SOWAHC: variants seen among roughly 807,000 people sequenced by gnomAD.
SOWAHC encodes sosondowah ankyrin repeat domain family member C, also known as ankyrin repeat domain-containing protein SOWAHC.
Under a neutral mutation model 14.4 loss-of-function variants are expected in SOWAHC, and 12 were observed. That is an observed-to-expected ratio of 0.83 (90% confidence interval 0.53 to 1.35). SOWAHC has a LOEUF of 1.35. Ranked by LOEUF, SOWAHC falls within the 40% of genes most tolerant of loss-of-function variation. The pLI, the probability that SOWAHC is intolerant of heterozygous loss-of-function variation, is 0.00. For synonymous variants in SOWAHC, 398 were observed against 347.0 expected (o/e 1.15, Z -1.63); for missense variants, 771 against 752.8 (o/e 1.02, Z -0.28).
In SOWAHC at chr2:109,614,830, C is replaced by G. The variant is rs949640218; in HGVS notation, c.341C>G (p.Ala114Gly). ...CCCGACGGCCCTGCCGGGCCCGAGG[C>G]GCGCGATCGGCTCCCCGACGCGGCG... is the stretch of plus-strand genomic sequence containing the variant. Reference protein sequence around the residue: ...EAPDGPAGPEARDRLPDAAAP... With the variant: ...EAPDGPAGPEGRDRLPDAAAP... The change falls in exon 1 of 1, where the codon GCG (alanine) becomes GGG (glycine). Residue 114 changes from alanine (A) to glycine (G), a missense_variant. Ala to Gly is a moderately conservative substitution (Grantham distance 60). Transcript: ENST00000356454. 348 of 1,427,910 alleles carry G rather than the reference C, an allele frequency of 2.4e-4. No homozygotes were observed. The highest frequency in any genetic ancestry group is 3.0e-4 in the Non-Finnish European group (330 of 1,098,898). 88.5% of individuals were successfully genotyped at this position (1,427,910 alleles called of 1,614,324 possible).
Position 109,614,489 on chromosome 2 carries a change from G to A in SOWAHC, c.-1G>A. On this transcript the variant is annotated 5_prime_UTR_variant, in exon 1 of 1. Transcript: ENST00000356454. ...CTGGCGGGGGAGCAGCGCGGTCGAG[G>A]ATGGAGGGGCCGGCAGAGTGGGGCC... 6.5e-6 allele frequency: 8 copies of A among 1,239,312 alleles called. No homozygotes were observed. Among genetic ancestry groups the A allele is most frequent in the Non-Finnish European group, 8.0e-6 (8 of 994,420 alleles). The allele number at this position is 1,239,312 out of a possible 1,614,324, so 76.8% of individuals were successfully genotyped here. A position where few individuals can be genotyped will look rare whatever the true frequency, so the allele number is the denominator to read the frequency against.
rs1173117113 is a variant in SOWAHC at position 109,615,184 on chromosome 2, G to T, written c.695G>T (p.Gly232Val). ...GGCAGCAGCCCGGGCAGCTCCTCCG[G>T]GGGAGGACGCGGCAGAGGCGGGGGC... ...PGGSSPGSSS[G>V]GGRGRGGGDS... Residue 232 changes from glycine (G) to valine (V), a missense_variant, in exon 1 of 1, where the codon GGG becomes GTG. Gly to Val is a moderately radical substitution (Grantham distance 109). Transcript: ENST00000356454. 1.9e-6 allele frequency: 3 copies of T among 1,548,822 alleles called. No individual in the cohort carries two copies. Among genetic ancestry groups the T allele is most frequent in the Non-Finnish European group, 1.7e-6 (2 of 1,146,692 alleles).
At position 109,614,823 on chromosome 2, in the gene SOWAHC, C is replaced by T; in HGVS notation, c.334C>T (p.Pro112Ser). 1 of 1,437,716 alleles carries T rather than the reference C, an allele frequency of 7.0e-7. No individual in the cohort carries two copies. Among genetic ancestry groups the T allele is most frequent in the Non-Finnish European group, 9.1e-7 (1 of 1,103,290 alleles). The allele number at this position is 1,437,716 out of a possible 1,614,324, so 89.1% of individuals were successfully genotyped here. A position where few individuals can be genotyped will look rare whatever the true frequency, so the allele number is the denominator to read the frequency against. The change falls in exon 1 of 1, where the codon CCC becomes TCC. Residue 112 changes from proline to serine, a missense_variant. Physicochemically the swap from Pro to Ser is moderately conservative, Grantham distance 74. Coordinates refer to ENST00000356454, the MANE Select transcript of SOWAHC (RefSeq NM_023016.4). ...CGAGGCCCCCGACGGCCCTGCCGGG[C>T]CCGAGGCGCGCGATCGGCTCCCCGA... is the stretch of plus-strand genomic sequence containing the variant. ...EPEAPDGPAG[P>S]EARDRLPDAA...
rs4953849 is a variant in SOWAHC, at chr2:109,616,342, G to A, written c.*275G>A. On this transcript the variant is annotated 3_prime_UTR_variant, in exon 1 of 1. Coordinates refer to ENST00000356454, the MANE Select transcript of SOWAHC (RefSeq NM_023016.4). ...GAGACTAGAAATGTATCTAAATTGG[G>A]GGAACAGAATGAATGAATTAATGAA... 43,191 of 280,518 alleles carry A rather than the reference G, an allele frequency of 0.15. 3,861 individuals are homozygous for A. The highest frequency in any genetic ancestry group is 0.27 in the African/African-American group (12,140 of 45,078). 17.4% of individuals were successfully genotyped at this position (280,518 alleles called of 1,614,324 possible). A position where few individuals can be genotyped will look rare whatever the true frequency, so the allele number is the denominator to read the frequency against.
At position 109,618,256 on chromosome 2, in the gene SOWAHC, A is replaced by G. The variant is rs1700174739; in HGVS notation, c.*2189A>G. The G allele has an allele frequency of 1.2e-5, 2 of 166,580 alleles. No homozygotes were observed. The highest frequency in any genetic ancestry group is 2.9e-5 in the Non-Finnish European group (2 of 68,124). The allele number at this position is 166,580 out of a possible 1,614,324, so 10.3% of individuals were successfully genotyped here. A position where few individuals can be genotyped will look rare whatever the true frequency, so the allele number is the denominator to read the frequency against. ...TGTATCTAGTGCAGAATAAGCTATA[A>G]CATCCCATTGAGGAATCTTAAATTT... On this transcript the variant is annotated 3_prime_UTR_variant, in exon 1 of 1. Transcript: ENST00000356454.
At position 109,614,397 on chromosome 2, in the gene SOWAHC, A is replaced by C; in HGVS notation, c.-93A>C. 1 of 987,824 alleles carries C rather than the reference A, an allele frequency of 1.0e-6. No individual in the cohort carries two copies. The highest frequency in any genetic ancestry group is 1.3e-6 in the Non-Finnish European group (1 of 775,920). 61.2% of individuals were successfully genotyped at this position (987,824 alleles called of 1,614,324 possible). A position where few individuals can be genotyped will look rare whatever the true frequency, so the allele number is the denominator to read the frequency against. On this transcript the variant is annotated 5_prime_UTR_variant, in exon 1 of 1. Transcript: ENST00000356454. ...AGGCTGGCAGCCCGCTGAGCCCGCC[A>C]GACTCCGCCGCCGTCGGGAGCCGGC...
At position 109,615,970 on chromosome 2, in the gene SOWAHC, C is replaced by A. The variant is rs142589827; in HGVS notation, c.1481C>A (p.Pro494Gln). 6.4e-7 allele frequency: 1 copy of A among 1,573,776 alleles called. No homozygotes were observed. The highest frequency in any genetic ancestry group is 1.4e-5 in the African/African-American group (1 of 73,622). The change falls in exon 1 of 1, where the codon CCG (proline) becomes CAG (glutamine). Residue 494 changes from proline to glutamine, a missense_variant. Pro to Gln is a moderately conservative substitution (Grantham distance 76, BLOSUM62 -1). Coordinates refer to ENST00000356454, the MANE Select transcript of SOWAHC (RefSeq NM_023016.4). ...CCCTCTTTCAGGGACCCAGAGCAGC[C>A]GCTGGAGGGCAGGGGGGAGGAGGGA... ...TTPSFRDPEQPLEGRGEEGVG... is the reference protein window; with the variant it reads ...TTPSFRDPEQQLEGRGEEGVG...
rs1558939265 is a variant in SOWAHC, at chr2:109,615,075, A to G, written c.586A>G (p.Thr196Ala). The G allele has an allele frequency of 6.5e-7, 1 of 1,549,358 alleles. No individual in the cohort carries two copies. Among genetic ancestry groups the G allele is most frequent in the Non-Finnish European group, 8.7e-7 (1 of 1,146,756 alleles). The change falls in exon 1 of 1, where the codon ACC becomes GCC. Residue 196 changes from threonine to alanine, a missense_variant. Thr to Ala is a moderately conservative substitution (Grantham distance 58). Transcript: ENST00000356454. ...CAGGGGCAGCTCCCTTGTGGGGGCT[A>G]CCGCACAGAGGCCGGCCCGCCAGAA... ...ADRGSSLVGA[T>A]AQRPARQNLR...
rs1699991142 is a variant in SOWAHC at position 109,614,473 on chromosome 2, G to A, written c.-17G>A. ...CGCGCTGAGCCGCCCGCTGGCGGGG[G>A]AGCAGCGCGGTCGAGGATGGAGGGG... is the stretch of plus-strand genomic sequence containing the variant. On this transcript the variant is annotated 5_prime_UTR_variant, in exon 1 of 1. Coordinates refer to ENST00000356454, the MANE Select transcript of SOWAHC (RefSeq NM_023016.4). The A allele has an allele frequency of 8.2e-7, 1 of 1,222,120 alleles. No individual in the cohort carries two copies. Among genetic ancestry groups the A allele is most frequent in the Admixed American group, 4.4e-5 (1 of 22,924 alleles). The allele number at this position is 1,222,120 out of a possible 1,614,324, so 75.7% of individuals were successfully genotyped here. A position where few individuals can be genotyped will look rare whatever the true frequency, so the allele number is the denominator to read the frequency against.
Position 109,614,921 on chromosome 2 carries a change from C to A in SOWAHC, c.432C>A (p.His144Gln). 6.8e-7 allele frequency: 1 copy of A among 1,476,906 alleles called. No homozygotes were observed. Among genetic ancestry groups the A allele is most frequent in the Non-Finnish European group, 8.9e-7 (1 of 1,122,288 alleles). 91.5% of individuals were successfully genotyped at this position (1,476,906 alleles called of 1,614,324 possible). A position where few individuals can be genotyped will look rare whatever the true frequency, so the allele number is the denominator to read the frequency against. ...AGGGAGAGCCCCCCGCCCCCGCGCA[C>A]TGGCCGCCCCTGAGCGCCGGGGCTC... Reference protein sequence around the residue: ...LGEGEPPAPAHWPPLSAGARR... With the variant: ...LGEGEPPAPAQWPPLSAGARR... Residue 144 changes from histidine to glutamine, a missense_variant, in exon 1 of 1, where the codon CAC becomes CAA. Physicochemically the swap from His to Gln is conservative, Grantham distance 24 (BLOSUM62 0). Coordinates refer to ENST00000356454, the MANE Select transcript of SOWAHC (RefSeq NM_023016.4).
In SOWAHC at chr2:109,616,845, C is replaced by G. The variant is rs532444474; in HGVS notation, c.*778C>G. Reference sequence around the variant, plus strand: ...TTATTTAAAGAGAACACTTAGCAGCCTATGATAGTTTTCAATAAAATGTTG... The same window carrying G: ...TTATTTAAAGAGAACACTTAGCAGCGTATGATAGTTTTCAATAAAATGTTG... On this transcript the variant is annotated 3_prime_UTR_variant, in exon 1 of 1. Transcript: ENST00000356454. 3 of 167,114 alleles carry G rather than the reference C, an allele frequency of 1.8e-5. No homozygotes were observed. In the South Asian group the frequency reaches 6.2e-4, roughly 35 times the overall value. The allele number at this position is 167,114 out of a possible 1,614,324, so 10.4% of individuals were successfully genotyped here.
Position 109,614,548 on chromosome 2 carries a change from G to C in SOWAHC, c.59G>C (p.Arg20Pro). 7.6e-7 allele frequency: 1 copy of C among 1,318,640 alleles called. No individual in the cohort carries two copies. The highest frequency in any genetic ancestry group is 9.6e-7 in the Non-Finnish European group (1 of 1,041,132). 81.7% of individuals were successfully genotyped at this position (1,318,640 alleles called of 1,614,324 possible). ...GCGCTGGGCCCCGAGGCGGTGCTGC[G>C]CTTCCTGGCGGAGCGCGGGGGCCGG... ...EAALGPEAVL[R>P]FLAERGGRAL... is the part of the protein sequence containing the mutation. The change falls in exon 1 of 1, where the codon CGC becomes CCC. Residue 20 changes from arginine to proline, a missense_variant. Transcript: ENST00000356454.
At position 109,615,301 on chromosome 2, in the gene SOWAHC, G is replaced by T; in HGVS notation, c.812G>T (p.Trp271Leu). The change falls in exon 1 of 1, where the codon TGG becomes TTG. Residue 271 changes from tryptophan (W) to leucine (L), a missense_variant. By Grantham distance (61) the Trp-to-Leu change is moderately conservative (BLOSUM62 -2). Coordinates refer to ENST00000356454, the MANE Select transcript of SOWAHC (RefSeq NM_023016.4). ...SVTLDPLEHA[W>L]MLSASDGKWD... ...ACGCTGGACCCCCTGGAGCACGCGT[G>T]GATGCTCTCTGCCTCCGATGGCAAG... 6.2e-7 allele frequency: 1 copy of T among 1,603,744 alleles called. No homozygotes were observed. The highest frequency in any genetic ancestry group is 8.5e-7 in the Non-Finnish European group (1 of 1,176,068).
chr2:109,614,511 G>A lies in SOWAHC; in HGVS notation c.22G>A (p.Gly8Ser). MEGPAEWGPEAALGPEAV... is the reference protein window; with the variant it reads MEGPAEWSPEAALGPEAV... ...GAGGATGGAGGGGCCGGCAGAGTGG[G>A]GCCCCGAGGCGGCGCTGGGCCCCGA... is the stretch of plus-strand genomic sequence containing the variant. Residue 8 changes from glycine to serine, a missense_variant, in exon 1 of 1, where the codon GGC becomes AGC. Transcript: ENST00000356454. 7.9e-7 allele frequency: 1 copy of A among 1,258,776 alleles called. No individual in the cohort carries two copies. The highest frequency in any genetic ancestry group is 9.9e-7 in the Non-Finnish European group (1 of 1,007,770). 78.0% of individuals were successfully genotyped at this position (1,258,776 alleles called of 1,614,324 possible).
Position 109,614,966 on chromosome 2 carries a change from C to G in SOWAHC, c.477C>G (p.Arg159=). The G allele has an allele frequency of 1.3e-6, 2 of 1,528,870 alleles. No individual in the cohort carries two copies. Among genetic ancestry groups the G allele is most frequent in the Non-Finnish European group, 1.8e-6 (2 of 1,141,650 alleles). The allele number at this position is 1,528,870 out of a possible 1,614,324, so 94.7% of individuals were successfully genotyped here. The change falls in exon 1 of 1, where the codon CGC becomes CGG. Residue 159 remains arginine (R), a synonymous_variant. Transcript: ENST00000356454. ...SAGARRKNSR[R]DVQPLPRTPA... Reference sequence around the variant, plus strand: ...GGGCTCGCAGGAAGAACTCGCGGCGCGACGTGCAGCCCCTACCGCGGACTC... The same window carrying G: ...GGGCTCGCAGGAAGAACTCGCGGCGGGACGTGCAGCCCCTACCGCGGACTC...
At position 109,618,766 on chromosome 2, in the gene SOWAHC, T is replaced by C. The variant is rs539689269; in HGVS notation, c.*2699T>C. On this transcript the variant is annotated 3_prime_UTR_variant, in exon 1 of 1. Transcript: ENST00000356454. ...AAAAACCCAAGTATGTCCATGTGTT[T>C]CTTATAAGGTACACTTGAAACTAGT... The C allele has an allele frequency of 3.0e-5, 5 of 167,124 alleles. No individual in the cohort carries two copies. In the South Asian group the frequency reaches 1.0e-3, roughly 35 times the overall value. The allele number at this position is 167,124 out of a possible 1,614,324, so 10.4% of individuals were successfully genotyped here.
Position 109,615,946 on chromosome 2 carries a change from C to T in SOWAHC, c.1457C>T (p.Pro486Leu), listed in dbSNP as rs368848145. The T allele has an allele frequency of 1.4e-5, 22 of 1,596,242 alleles. No individual in the cohort carries two copies. The highest frequency in any genetic ancestry group is 1.8e-5 in the Non-Finnish European group (21 of 1,172,048). ...RFRTQIVHTT[P>L]SFRDPEQPLE... Reference sequence around the variant, plus strand: ...AGAACCCAGATCGTCCACACCACACCCTCTTTCAGGGACCCAGAGCAGCCG... The same window carrying T: ...AGAACCCAGATCGTCCACACCACACTCTCTTTCAGGGACCCAGAGCAGCCG... Residue 486 changes from proline (P) to leucine (L), a missense_variant, in exon 1 of 1, where the codon CCC becomes CTC. Physicochemically the swap from Pro to Leu is moderately conservative, Grantham distance 98. Coordinates refer to ENST00000356454, the MANE Select transcript of SOWAHC (RefSeq NM_023016.4).
Position 109,614,681 on chromosome 2 carries a change from C to A in SOWAHC, c.192C>A (p.Ala64=). 1 of 1,487,384 alleles carries A rather than the reference C, an allele frequency of 6.7e-7. No homozygotes were observed. Among genetic ancestry groups the A allele is most frequent in the Non-Finnish European group, 8.9e-7 (1 of 1,123,416 alleles). 92.1% of individuals were successfully genotyped at this position (1,487,384 alleles called of 1,614,324 possible). ...AHFKELVNAV[A]TVRVDPADGA... The stretch of plus-strand genomic sequence containing the variant: ...TCAAGGAGCTGGTGAACGCCGTGGC[C>A]ACTGTGCGCGTCGATCCCGCCGACG... Residue 64 remains alanine (A), a synonymous_variant, in exon 1 of 1, where the codon GCC becomes GCA. Transcript: ENST00000356454.
rs771688836 is a variant in SOWAHC at position 109,617,538 on chromosome 2, C to G, written c.*1471C>G. On this transcript the variant is annotated 3_prime_UTR_variant, in exon 1 of 1. Transcript: ENST00000356454. Reference sequence around the variant, plus strand: ...AGAGGGACTAATTTAAACAAGTCCTCCTTTAGTCTTTTGGGTCGCGTAGTT... The same window carrying G: ...AGAGGGACTAATTTAAACAAGTCCTGCTTTAGTCTTTTGGGTCGCGTAGTT... The G allele has an allele frequency of 6.0e-6, 1 of 167,038 alleles. No individual in the cohort carries two copies. Among genetic ancestry groups the G allele is most frequent in the African/African-American group, 2.4e-5 (1 of 41,452 alleles). The allele number at this position is 167,038 out of a possible 1,614,324, so 10.3% of individuals were successfully genotyped here.
Sources: gnomAD v4.1 joint callset for allele counts on GRCh38, gnomAD v4.1.1 for gene constraint, MANE v1.5 for transcripts, NCBI Gene and HGNC (gene_info 2026-07-23, HGNC 2026-07-21) for gene names.